CCDC148: variants seen among roughly 807,000 people sequenced by gnomAD.
CCDC148 encodes coiled-coil domain-containing protein 148.
A neutral mutation model predicts 85.7 loss-of-function variants in CCDC148; 89 were observed. The observed-to-expected ratio is 1.04, with a 90% CI of 0.87 to 1.24. CCDC148 has a LOEUF of 1.24. Ranked by LOEUF, CCDC148 falls within the 50% of genes most tolerant of loss-of-function variation. The pLI, the probability that CCDC148 is intolerant of heterozygous loss-of-function variation, is 0.00. For missense variants in CCDC148, 692 were observed against 671.7 expected (o/e 1.03, Z -0.33); for synonymous variants, 230 against 213.9 (o/e 1.08, Z -0.66).
intron 1 of CCDC148, among the ~76,000 whole-genome samples, chr2:158,398,859 CA>C (rs1208868642): frequency 4.6e-5 from 7 of 151,962 alleles, no homozygotes; most frequent in African/African-American, 1.7e-4. Flanking sequence ...AAAAGATCAA[CA>C]AAATAGATAG....
chr2:158,417,697 T>TC (rs1395778848), intron 1 of CCDC148, among the ~76,000 whole-genome samples: 1 of 152,136 alleles, frequency 6.6e-6, no homozygotes, highest in African/African-American at 2.4e-5. Context: ...CCACATGCAC[T>TC]CCCCCATAAA....
At chr2:158,410,495 T>TTCTCTCATATCTTTTG (rs1024372061) in intron 1 of CCDC148, among the ~76,000 whole-genome samples, 2 of 152,196 alleles carry the variant, frequency 1.3e-5, no homozygotes, top group African/African-American at 2.4e-5. Context: ...GGTTTGATCC[T>TTCTCTCATATCTTTTG]TCTCTCATAT....
intron 1 of CCDC148, among the ~76,000 whole-genome samples, chr2:158,387,163 C>A (rs1226659553): frequency 1.3e-5 from 2 of 152,000 alleles, no homozygotes; most frequent in Non-Finnish European, 2.9e-5. Context: ...GCTCTGGTTC[C>A]TTGGAGAATG....
intron 10 of CCDC148, among the ~76,000 whole-genome samples, chr2:158,228,822 G>C (rs113179014): frequency 2.2e-5 from 3 of 133,634 alleles, no homozygotes; most frequent in African/African-American, 5.4e-5. Flanking sequence ...GTTGGGGGGA[G>C]GGGGGAGGGA....
At chr2:158,281,360 A>T (rs1256265772) in intron 9 of CCDC148, among the ~76,000 whole-genome samples, 1 of 152,196 alleles carries the variant, frequency 6.6e-6, no homozygotes, top group East Asian at 1.9e-4. Context: ...GAAAGGATCA[A>T]CAAAATTGAT....
At chr2:158,423,394 T>C (rs1686903703) in intron 1 of CCDC148, among the ~76,000 whole-genome samples, 1 of 150,316 alleles carries the variant, frequency 6.7e-6, no homozygotes, top group South Asian at 2.1e-4. Context: ...TATAGACCAA[T>C]GGAATAGAAA....
Position 158,295,094 on chromosome 2 carries a change from T to C in CCDC148, c.1110+14339A>G, listed in dbSNP as rs372933087. Reference sequence around the variant, plus strand: ...ATTGAATTTCTGCTCTTTTAAAAAATTGAGTTGTTTCTTAAACTAGAAAAT... The same window carrying C: ...ATTGAATTTCTGCTCTTTTAAAAAACTGAGTTGTTTCTTAAACTAGAAAAT... On this transcript the variant is annotated intron_variant, in intron 9 of 13. Coordinates refer to ENST00000283233, the MANE Select transcript of CCDC148 (RefSeq NM_138803.4). 7.2e-5 allele frequency among the ~76,000 whole-genome samples: 11 copies of C among 152,128 alleles called. No homozygotes were observed. In the East Asian group the frequency reaches 9.6e-4, roughly 13 times the overall value.
chr2:158,435,744 C>T (rs1307372590), intron 1 of CCDC148, among the ~76,000 whole-genome samples: 1 of 151,902 alleles, frequency 6.6e-6, no homozygotes, highest in Non-Finnish European at 1.5e-5. Flanking sequence ...CTCACGTGCA[C>T]AGACAAACAT....
intron 9 of CCDC148, among the ~76,000 whole-genome samples, chr2:158,285,789 G>A (rs1175699044): frequency 6.6e-6 from 1 of 151,862 alleles, no homozygotes; most frequent in Non-Finnish European, 1.5e-5. Flanking sequence ...ACCCGCCTCA[G>A]CCTCCCAAAG....
intron 1 of CCDC148, among the ~76,000 whole-genome samples, chr2:158,448,244 T>C (rs1688242806): frequency 6.6e-6 from 1 of 152,240 alleles, no homozygotes; most frequent in Admixed American, 6.5e-5. Flanking sequence ...ATTATGCCAA[T>C]ATTACATCCT....
chr2:158,316,239 A>G (rs372337305), intron 7 of CCDC148, among the ~76,000 whole-genome samples: 1 of 152,272 alleles, frequency 6.6e-6, no homozygotes, highest in Non-Finnish European at 1.5e-5. Context: ...GCAAACATTT[A>G]CAAAAATGCT....
Position 158,385,763 on chromosome 2 carries a change from T to C in CCDC148, c.26-27193A>G, listed in dbSNP as rs1053198000. On this transcript the variant is annotated intron_variant, in intron 1 of 13. Transcript: ENST00000283233. Reference sequence around the variant, plus strand: ...GTCAAACAAGGCTTCTGGCAACTTCTTGGGGAGCCCCAGCCTTCTTCCTGG... The same window carrying C: ...GTCAAACAAGGCTTCTGGCAACTTCCTGGGGAGCCCCAGCCTTCTTCCTGG... 5.3e-5 allele frequency among the ~76,000 whole-genome samples: 8 copies of C among 152,156 alleles called. No homozygotes were observed. In the East Asian group the frequency reaches 1.3e-3, roughly 26 times the overall value.
chr2:158,335,033 C>G (rs1559078820), intron 7 of CCDC148, among the ~76,000 whole-genome samples: 1 of 152,092 alleles, frequency 6.6e-6, no homozygotes, highest in Non-Finnish European at 1.5e-5. Flanking sequence ...AGCCAAGTCA[C>G]ACTGGTTTAA....
chr2:158,235,193 T>A (rs1221387359), intron 10 of CCDC148, among the ~76,000 whole-genome samples: 1 of 152,234 alleles, frequency 6.6e-6, no homozygotes, highest in Non-Finnish European at 1.5e-5. Context: ...GTAAGTATAT[T>A]ATGGCCAGTT....
chr2:158,194,124 A>G (rs1272700731), intron 11 of CCDC148, among the ~76,000 whole-genome samples: 1 of 152,140 alleles, frequency 6.6e-6, no homozygotes, highest in African/African-American at 2.4e-5. Context: ...TTTAAACAGC[A>G]TCATTCACTT....
intron 1 of CCDC148, among the ~76,000 whole-genome samples, chr2:158,433,425 G>T (rs1053722626): frequency 5.9e-5 from 9 of 151,912 alleles, no homozygotes; most frequent in African/African-American, 1.7e-4. Flanking sequence ...CAAAGCACTT[G>T]TATCAAAATA....
chr2:158,342,026 C>CTTTTTTTTTTTTTTTTTTTTTTTTTTTTT (rs1159799812), intron 3 of CCDC148, among the ~76,000 whole-genome samples: 1 of 62,660 alleles, frequency 1.6e-5, no homozygotes, highest in Non-Finnish European at 2.7e-5. Context: ...ATTTTCTTTT[C>CTTTTTTTTTTTTTTTTTTTTTTTTTTTTT]TTTTTTTTTT....
At position 158,444,991 on chromosome 2, in the gene CCDC148, T is replaced by G. The variant is rs189499154; in HGVS notation, c.25+11424A>C. ...ATATAAACTCTTAGATACAGAAGCC[T>G]TCCGTGTTTATGCACACTAGCACAG... On this transcript the variant is annotated intron_variant, in intron 1 of 13. Coordinates refer to ENST00000283233, the MANE Select transcript of CCDC148 (RefSeq NM_138803.4). 1.9e-3 allele frequency among the ~76,000 whole-genome samples: 289 copies of G among 152,190 alleles called. 1 individual carries two copies. Among genetic ancestry groups the G allele is most frequent in the African/African-American group, 6.7e-3 (280 of 41,544 alleles).
intron 11 of CCDC148, among the ~76,000 whole-genome samples, chr2:158,200,749 T>G (rs1574388329): frequency 1.3e-5 from 2 of 152,170 alleles, no homozygotes; most frequent in East Asian, 3.8e-4. Flanking sequence ...CTCTCTCCAT[T>G]GTAAAGGCAT....
Sources: allele counts gnomAD v4.1 joint callset (sites outside exome capture counted in the v4.1 genomes callset), GRCh38; gene constraint gnomAD v4.1.1; transcripts MANE v1.5; gene names NCBI Gene and HGNC (gene_info 2026-07-23, HGNC 2026-07-21).